KLHL29: variants seen among roughly 807,000 people sequenced by gnomAD.
The protein encoded by KLHL29 is kelch-like protein 29.
Under a neutral mutation model 80.4 loss-of-function variants are expected in KLHL29, and 21 were observed. The ratio of observed to expected loss-of-function variants is 0.26; its 90% CI spans 0.19 to 0.38. KLHL29 has a LOEUF of 0.38. Ranked by LOEUF, KLHL29 falls within the 10% of genes least tolerant of loss-of-function variation. The pLI, the probability that KLHL29 is intolerant of heterozygous loss-of-function variation, is 1.00. For missense variants in KLHL29, 867 were observed against 1,223.9 expected (o/e 0.71, Z 4.35); for synonymous variants, 511 against 526.8 (o/e 0.97, Z 0.41).
chr2:23,613,763 CAAAAAAAAAA>C (rs1157736706), intron 3 of KLHL29, among the ~76,000 whole-genome samples: 41 of 63,714 alleles, frequency 6.4e-4, no homozygotes, highest in East Asian at 3.6e-3. Flanking sequence ...GACTCCATCT[CAAAAAAAAAA>C]AAAAAAAAAA....
chr2:23,699,929 C>CTT (rs1490236343), intron 11 of KLHL29, among the ~76,000 whole-genome samples: 1 of 152,248 alleles, frequency 6.6e-6, no homozygotes, highest in Non-Finnish European at 1.5e-5. Context: ...TTGGTCAACT[C>CTT]TGACTCCTGC....
chr2:23,487,855 G>A (rs1664975392), intron 2 of KLHL29, among the ~76,000 whole-genome samples: 2 of 152,202 alleles, frequency 1.3e-5, no homozygotes, highest in African/African-American at 2.4e-5. Flanking sequence ...TGTTGAACCT[G>A]TAATTGTCAC....
At chr2:23,678,767 G>T (rs1341790853) in intron 5 of KLHL29, among the ~76,000 whole-genome samples, 1 of 152,214 alleles carries the variant, frequency 6.6e-6, no homozygotes, top group Non-Finnish European at 1.5e-5. Flanking sequence ...GCTACCATGT[G>T]GGTGAACCTT....
At position 23,555,127 on chromosome 2, in the gene KLHL29, C is replaced by CA. The variant is rs571481991; in HGVS notation, c.-45-7025_-45-7024insA. On this transcript the variant is annotated intron_variant, in intron 2 of 13. Coordinates refer to ENST00000486442, the MANE Select transcript of KLHL29 (RefSeq NM_052920.2). The stretch of plus-strand genomic sequence containing the variant: ...TATTTATGGAGGATGACCTCCCCCC[C>CA]CCCCTCAACTTGTGTCTCCCAGTGT... Among the ~76,000 whole-genome samples, 28 of 146,830 alleles carry CA rather than the reference C, an allele frequency of 1.9e-4. 3 individuals are homozygous for CA. The highest frequency in any genetic ancestry group is 6.8e-4 in the African/African-American group (26 of 38,010).
At chr2:23,550,158 C>T (rs1184029475) in intron 2 of KLHL29, among the ~76,000 whole-genome samples, 2 of 152,126 alleles carry the variant, frequency 1.3e-5, no homozygotes, top group Admixed American at 1.3e-4. Flanking sequence ...GTATCTTGCA[C>T]TGAGCCGGGT....
At position 23,696,071 on chromosome 2, in the gene KLHL29, T is replaced by C. The variant is rs1671935783; in HGVS notation, c.1862T>C (p.Leu621Pro). Residue 621 changes from leucine to proline, a missense_variant, in exon 10 of 14, where the codon CTG (leucine) becomes CCG (proline). By Grantham distance (98) the Leu-to-Pro change is moderately conservative (BLOSUM62 -3). Around this residue, in one of 2 missense-constraint regions of KLHL29, gnomAD observed 443 missense variants for 767.0 expected, o/e 0.58. Transcript: ENST00000486442. The surrounding 1 kb of genome is among the most constrained non-coding windows in gnomAD (Gnocchi z 5.5). ...QNNKWYPLASLPFYDREFFSV... is the reference protein window; with the variant it reads ...QNNKWYPLASPPFYDREFFSV... ...AACAAGTGGTACCCCTTGGCCTCGC[T>C]GCCCTTCTATGACCGCGAGTTCTTC... The C allele has an allele frequency of 6.4e-7, 1 of 1,551,734 alleles. No homozygotes were observed. The highest frequency in any genetic ancestry group is 2.0e-5 in the Admixed American group (1 of 50,990).
intron 2 of KLHL29, among the ~76,000 whole-genome samples, chr2:23,548,145 T>C (rs1667025842): frequency 1.3e-5 from 2 of 152,026 alleles, no homozygotes; most frequent in Admixed American, 6.6e-5. Context: ...GCCAACCTCA[T>C]GGGGTTAAAG....
chr2:23,577,269 G>T (rs1667866414), intron 3 of KLHL29, among the ~76,000 whole-genome samples: 1 of 152,184 alleles, frequency 6.6e-6, no homozygotes, highest in Non-Finnish European at 1.5e-5. Flanking sequence ...GGCCAACATG[G>T]TGAAACCCCC....
chr2:23,569,188 G>A (rs7568390), intron 3 of KLHL29, among the ~76,000 whole-genome samples: 26 of 152,192 alleles, frequency 1.7e-4, no homozygotes, highest in South Asian at 4.1e-4. Flanking sequence ...GGCCACCTTC[G>A]GGGACTTTGA....
intron 1 of KLHL29, among the ~76,000 whole-genome samples, chr2:23,440,488 T>G (rs1259743327): frequency 6.6e-6 from 1 of 151,872 alleles, no homozygotes; most frequent in African/African-American, 2.4e-5. Context: ...GGGATCTAAT[T>G]AAACTAAAGA....
At chr2:23,428,325 A>G (rs1415289476) in intron 1 of KLHL29, among the ~76,000 whole-genome samples, 4 of 152,256 alleles carry the variant, frequency 2.6e-5, no homozygotes, top group Non-Finnish European at 5.9e-5. Context: ...CTGAAGGCCC[A>G]TTTTCCCCCA....
intron 1 of KLHL29, among the ~76,000 whole-genome samples, chr2:23,435,745 C>T (rs873543): frequency 0.061 from 9,325 of 152,154 alleles, 354 homozygotes; most frequent in African/African-American, 0.11. Flanking sequence ...AAGCATAGTG[C>T]GATGGGATAG....
chr2:23,572,883 G>A (rs1381538750), intron 3 of KLHL29, among the ~76,000 whole-genome samples: 2 of 152,160 alleles, frequency 1.3e-5, no homozygotes, highest in East Asian at 3.9e-4. Flanking sequence ...TATATTTTTA[G>A]TAGAGACGGG....
rs1004892777 is a variant in KLHL29, at chr2:23,706,544, G to A, written c.2508G>A (p.Ala836=). Residue 836 remains alanine (A), a synonymous_variant, in exon 14 of 14, where the codon GCG becomes GCA. Coordinates refer to ENST00000486442, the MANE Select transcript of KLHL29 (RefSeq NM_052920.2). The part of the protein sequence containing the change: ...TGGIVSSEGP[A]LGNMEAYEPT... ...GTATTGTCAGCAGTGAAGGGCCCGC[G>A]CTGGGCAACATGGAGGCCTACGAGC... The A allele has an allele frequency of 1.0e-5, 16 of 1,536,982 alleles. No homozygotes were observed. Among genetic ancestry groups the A allele is most frequent in the South Asian group, 3.6e-5 (3 of 83,972 alleles).
At chr2:23,509,199 G>A (rs747877986) in intron 2 of KLHL29, among the ~76,000 whole-genome samples, 1 of 152,182 alleles carries the variant, frequency 6.6e-6, no homozygotes, top group Admixed American at 6.5e-5. Flanking sequence ...GGAAGACTGC[G>A]GCTGGTGGAG....
intron 2 of KLHL29, among the ~76,000 whole-genome samples, chr2:23,481,559 C>G (rs566032183): frequency 6.6e-6 from 1 of 152,360 alleles, no homozygotes; most frequent in Non-Finnish European, 1.5e-5. Context: ...CAGCCTCGTT[C>G]TGTAACCCCA....
rs373328558 is a variant in KLHL29, at chr2:23,421,659, CTG to C, written c.-154+35891_-154+35892del. On this transcript the variant is annotated intron_variant, in intron 1 of 13. Transcript: ENST00000486442. ...TGCCTGTGTGTCTTGGTGTGTGAACCTGTGTGTGTGTGTTATATGTTGTGTGT... is the reference window on the plus strand; with the variant it reads ...TGCCTGTGTGTCTTGGTGTGTGAACCTGTGTGTGTGTTATATGTTGTGTGT... Among the ~76,000 whole-genome samples, 256 of 141,866 alleles carry C rather than the reference CTG, an allele frequency of 1.8e-3. 1 individual carries two copies. Among genetic ancestry groups the C allele is most frequent in the African/African-American group, 6.1e-3 (234 of 38,352 alleles). 93.1% of individuals were successfully genotyped at this position (141,866 alleles called of 152,430 possible).
intron 2 of KLHL29, among the ~76,000 whole-genome samples, chr2:23,479,677 A>T (rs1384085389): frequency 6.6e-6 from 1 of 151,056 alleles, no homozygotes; most frequent in African/African-American, 2.4e-5. Context: ...CACATATCAG[A>T]CTCTACCTGT....
At position 23,635,750 on chromosome 2, in the gene KLHL29, C is replaced by T. The variant is rs72849696; in HGVS notation, c.286-3389C>T. Among the ~76,000 whole-genome samples, 1,319 of 152,346 alleles carry T rather than the reference C, an allele frequency of 8.7e-3. 9 individuals carry two copies. Among genetic ancestry groups the T allele is most frequent in the African/African-American group, 0.031 (1,277 of 41,582 alleles). Reference sequence around the variant, plus strand: ...TGGGGCCAGGCACAGAGAGGCTCTCCTGGTCTGCCTCTCTCTGCCAAGTGC... The same window carrying T: ...TGGGGCCAGGCACAGAGAGGCTCTCTTGGTCTGCCTCTCTCTGCCAAGTGC... On this transcript the variant is annotated intron_variant, in intron 3 of 13. Coordinates refer to ENST00000486442, the MANE Select transcript of KLHL29 (RefSeq NM_052920.2).
Sources: allele counts gnomAD v4.1 joint callset (sites outside exome capture counted in the v4.1 genomes callset), GRCh38; gene constraint gnomAD v4.1.1; regional missense constraint gnomAD v4.1.1; non-coding constraint Gnocchi (gnomAD v3.1); transcripts MANE v1.5; gene names NCBI Gene and HGNC (gene_info 2026-07-23, HGNC 2026-07-21).